LGALS13: variants seen among roughly 807,000 people sequenced by gnomAD.
The protein encoded by LGALS13 is galectin 13.
In LGALS13, 11 loss-of-function variants were observed where a neutral mutation model predicts 13.2. That is an observed-to-expected ratio of 0.83 (90% confidence interval 0.52 to 1.38). LGALS13 has a LOEUF of 1.38. Ranked by LOEUF, LGALS13 falls within the 40% of genes most tolerant of loss-of-function variation. The probability of loss-of-function intolerance (pLI) is 0.00; values close to 1 mark genes in which losing one functional copy is unlikely to be tolerated. For missense variants in LGALS13, 183 were observed against 174.3 expected, an observed-to-expected ratio of 1.05 and a Z score of -0.28; for synonymous variants, 71 against 63.7, an observed-to-expected ratio of 1.11 and a Z score of -0.54.
At chr19:39,606,428 G>C (rs554436498) in intron 3 of LGALS13, among the ~76,000 whole-genome samples, 1 of 152,080 alleles carries the variant, frequency 6.6e-6, no homozygotes, top group Non-Finnish European at 1.5e-5. Context: ...AAATGATGTC[G>C]TATTAAGTTT....
chr19:39,603,855 A>C, intron 1 of LGALS13: 1 of 832,698 alleles, frequency 1.2e-6, no homozygotes, highest in Non-Finnish European at 1.4e-6. Context: ...CTATCTCAAA[A>C]GTACAGAAAA....
At position 39,604,652 on chromosome 19, in the gene LGALS13, C is replaced by G. The variant is rs766596329; in HGVS notation, c.66C>G (p.Ile22Met). The change falls in exon 2 of 4, where the codon ATC becomes ATG. Residue 22 changes from isoleucine (I) to methionine (M), a missense_variant. By Grantham distance (10) the Ile-to-Met change is conservative (BLOSUM62 1). Transcript: ENST00000221797. ...VSLSVGSCVI[I>M]KGTPIHSFIN... ...TGTCTGTTGGTTCCTGCGTGATAAT[C>G]AAAGGGACACCAATCCACTCTTTTA... The G allele has an allele frequency of 6.2e-6, 10 of 1,614,058 alleles. No individual in the cohort carries two copies. In the South Asian group the frequency reaches 6.6e-5, roughly 11 times the overall value.
At chr19:39,606,138 T>C (rs937385574) in intron 3 of LGALS13, among the ~76,000 whole-genome samples, 10 of 152,210 alleles carry the variant, frequency 6.6e-5, no homozygotes, top group Admixed American at 6.5e-4. Context: ...TAAGCCACCA[T>C]GCCCAGCCCT....
chr19:39,603,093 T>G (rs56272109), intron 1 of LGALS13, among the ~76,000 whole-genome samples: 6,528 of 152,226 alleles, frequency 0.043, 419 homozygotes, highest in African/African-American at 0.14. Flanking sequence ...GTGGCTTTCT[T>G]CACATGTGAA....
intron 2 of LGALS13, 118 bp from the exon 3 acceptor site, chr19:39,605,060 C>T: frequency 1.2e-6 from 1 of 857,608 alleles, no homozygotes; most frequent in Non-Finnish European, 1.9e-6. Context: ...ACCTGGCCAT[C>T]AGTATTATCT....
chr19:39,605,123 T>A (rs888620036), intron 2 of LGALS13, 55 bp from the exon 3 acceptor site: 3 of 1,387,368 alleles, frequency 2.2e-6, no homozygotes, highest in Non-Finnish European at 3.1e-6. Flanking sequence ...GTGTGTCGAG[T>A]GTGTGTCTGC....
In LGALS13 at chr19:39,602,671, A is replaced by AT. The variant is rs1972619899; in HGVS notation, c.15+93dup. On this transcript the variant is annotated intron_variant, in intron 1 of 3. Coordinates refer to ENST00000221797, the MANE Select transcript of LGALS13 (RefSeq NM_013268.3). ...GATTTTATGAGATGAAAATATGAGC[A>AT]TTTTTGCTGTGAATGCTTTACTTAG... 3.8e-6 allele frequency: 5 copies of AT among 1,327,088 alleles called. No individual in the cohort carries two copies. In the Admixed American group the frequency reaches 5.1e-5, roughly 13 times the overall value. The allele number at this position is 1,327,088 out of a possible 1,614,324, so 82.2% of individuals were successfully genotyped here.
At chr19:39,606,365 G>A (rs1972688601) in intron 3 of LGALS13, among the ~76,000 whole-genome samples, 2 of 152,114 alleles carry the variant, frequency 1.3e-5, no homozygotes, top group African/African-American at 2.4e-5. Context: ...CCAAAGTTGT[G>A]GAACTTGGCC....
intron 1 of LGALS13, among the ~76,000 whole-genome samples, chr19:39,602,888 TGGAGAGTAAAG>T (rs1362866674): frequency 3.9e-5 from 6 of 152,012 alleles, no homozygotes; most frequent in Non-Finnish European, 8.8e-5. Context: ...GGTGTGTGAA[TGGAGAGTAAAG>T]GGGTGAGTCG....
At chr19:39,606,078 C>A (rs12978134) in intron 3 of LGALS13, among the ~76,000 whole-genome samples, 80 of 152,316 alleles carry the variant, frequency 5.3e-4, no homozygotes, top group Non-Finnish European at 9.7e-4. Flanking sequence ...AACTCCCCAC[C>A]TCAAGTTATC....
intron 1 of LGALS13, chr19:39,603,799 C>A: frequency 3.3e-6 from 1 of 306,128 alleles, no homozygotes; most frequent in South Asian, 1.3e-4. Flanking sequence ...TTTCAGTGAA[C>A]CATGATTGCA....
intron 1 of LGALS13, among the ~76,000 whole-genome samples, chr19:39,602,789 G>A (rs1487774297): frequency 6.6e-6 from 1 of 152,162 alleles, no homozygotes; most frequent in Non-Finnish European, 1.5e-5. Context: ...TGTAACCTTC[G>A]GTGAGTGTGA....
chr19:39,606,794 G>A (rs2144831609), intron 3 of LGALS13, among the ~76,000 whole-genome samples: 1 of 152,334 alleles, frequency 6.6e-6, no homozygotes, highest in East Asian at 1.9e-4. Flanking sequence ...TTACTCCAAA[G>A]AGAAACTGTG....
intron 3 of LGALS13, among the ~76,000 whole-genome samples, chr19:39,605,959 G>A (rs892975221): frequency 1.3e-5 from 2 of 152,094 alleles, no homozygotes; most frequent in East Asian, 1.9e-4. Flanking sequence ...CAATTCTCTC[G>A]CCTCAGCCTC....
In LGALS13 at chr19:39,604,074, C is replaced by G. The variant is rs1024200261; in HGVS notation, c.16-528C>G. Reference sequence around the variant, plus strand: ...CTGTTCTTTCATCATTTCCCTCTCCCTTTCAACAAGTGTTGTTTCTCACTG... The same window carrying G: ...CTGTTCTTTCATCATTTCCCTCTCCGTTTCAACAAGTGTTGTTTCTCACTG... On this transcript the variant is annotated intron_variant, in intron 1 of 3. Coordinates refer to ENST00000221797, the MANE Select transcript of LGALS13 (RefSeq NM_013268.3). 12 of 689,710 alleles carry G rather than the reference C, an allele frequency of 1.7e-5. No homozygotes were observed. In the African/African-American group the frequency reaches 2.3e-4, roughly 13 times the overall value. 42.7% of individuals were successfully genotyped at this position (689,710 alleles called of 1,614,324 possible). A position where few individuals can be genotyped will look rare whatever the true frequency, so the allele number is the denominator to read the frequency against.
chr19:39,604,059 A>G lies in LGALS13; in HGVS notation c.16-543A>G, dbSNP rs117469971. On this transcript the variant is annotated intron_variant, in intron 1 of 3. Transcript: ENST00000221797. The stretch of plus-strand genomic sequence containing the variant: ...ACACACAGGGGTTTCCTGTTCTTTC[A>G]TCATTTCCCTCTCCCTTTCAACAAG... 15 of 787,830 alleles carry G rather than the reference A, an allele frequency of 1.9e-5. No individual in the cohort carries two copies. The East Asian group carries it at 1.6e-3, about 86-fold the overall frequency. The allele number at this position is 787,830 out of a possible 1,614,324, so 48.8% of individuals were successfully genotyped here.
intron 1 of LGALS13, 125 bp downstream of exon 1, chr19:39,602,708 T>A: frequency 2.1e-6 from 2 of 951,010 alleles, no homozygotes; most frequent in Non-Finnish European, 3.4e-6. Flanking sequence ...GCTATTGAGG[T>A]GTGGAATAGA....
At chr19:39,603,548 A>C (rs1972633870) in intron 1 of LGALS13, among the ~76,000 whole-genome samples, 1 of 151,816 alleles carries the variant, frequency 6.6e-6, no homozygotes, top group African/African-American at 2.4e-5. Context: ...AGGAGCTTAC[A>C]GTGGATATTA....
Position 39,605,394 on chromosome 19 carries a change from C to A in LGALS13, c.303+6C>A. On this transcript the variant is annotated splice_donor_region_variant and intron_variant, in intron 3 of 3. Transcript: ENST00000221797. ...TACATTACAATGAGTATGAGGTGAG[C>A]ATCCCAGGAGCTCCCAGCACCCAGG... is the stretch of plus-strand genomic sequence containing the variant. The A allele has an allele frequency of 6.2e-7, 1 of 1,613,006 alleles. No individual in the cohort carries two copies. The highest frequency in any genetic ancestry group is 2.2e-5 in the East Asian group (1 of 44,864).
Sources: allele counts gnomAD v4.1 joint callset (sites outside exome capture counted in the v4.1 genomes callset), GRCh38; gene constraint gnomAD v4.1.1; transcripts MANE v1.5; gene names NCBI Gene and HGNC (gene_info 2026-07-23, HGNC 2026-07-21).